The following CLVS1 variants were observed in gnomAD, a reference collection of about 807,000 sequenced individuals.
CLVS1 encodes the protein clavesin-1.
CLVS1 carries 10 observed loss-of-function variants against 33.1 expected under a neutral mutation model. That is an observed-to-expected ratio of 0.30 (90% CI 0.19 to 0.51). The LOEUF (loss-of-function observed/expected upper bound fraction) is 0.51, where lower values mean the gene tolerates loss of function less well. CLVS1 is among the 20% of genes least tolerant of loss of function. The pLI is 0.97. For synonymous variants in CLVS1, 163 were observed against 166.1 expected (o/e 0.98, Z 0.14); for missense variants, 343 against 433.4 (o/e 0.79, Z 1.85).
intron 2 of CLVS1, among the ~76,000 whole-genome samples, chr8:61,162,137 T>C: frequency 6.6e-6 from 1 of 152,138 alleles, no homozygotes. Flanking sequence ...GCATGGTCTT[T>C]AAGCTCATTC....
chr8:61,221,549 G>A (rs554713296), intron 2 of CLVS1, among the ~76,000 whole-genome samples: 1 of 152,298 alleles, frequency 6.6e-6, no homozygotes, highest in East Asian at 1.9e-4. Context: ...CAATCACAGT[G>A]GGTAAGATTT....
At chr8:61,180,957 C>G (rs1287963719) in intron 2 of CLVS1, among the ~76,000 whole-genome samples, 5 of 152,168 alleles carry the variant, frequency 3.3e-5, no homozygotes, top group Admixed American at 3.3e-4. Context: ...CTCACCACTC[C>G]TATTCAACAT....
chr8:61,348,883 T>A (rs918829950), intron 2 of CLVS1, among the ~76,000 whole-genome samples: 1 of 152,174 alleles, frequency 6.6e-6, no homozygotes, highest in Admixed American at 6.5e-5. Context: ...TGCTAACACT[T>A]GTCATTTTTC....
intron 3 of CLVS1, among the ~76,000 whole-genome samples, chr8:61,434,099 A>G (rs1484323703): frequency 6.6e-6 from 1 of 152,192 alleles, no homozygotes; most frequent in Admixed American, 6.5e-5. Context: ...TCAGATTATC[A>G]GGGCTTTTAA....
chr8:61,215,360 A>G (rs1808061172), intron 2 of CLVS1, among the ~76,000 whole-genome samples: 6 of 152,188 alleles, frequency 3.9e-5, no homozygotes, highest in Admixed American at 3.9e-4. Flanking sequence ...CACATGGCAC[A>G]TGGTCAGTGG....
the CLVS1 span, among the ~76,000 whole-genome samples, chr8:60,964,982 C>T: frequency 2.0e-5 from 3 of 152,002 alleles, no homozygotes; most frequent in Admixed American, 2.0e-4. Context: ...GGAAGTTTTC[C>T]CAGGAAAGAG....
In CLVS1 at chr8:61,362,879, A is replaced by G. The variant is rs568352155; in HGVS notation, c.456-13726A>G. ...TTATATGTTGCCTCAGGGTTCAAAGAATTATGTAGGTGGGTAAGTAAGACT... is the reference window on the plus strand; with the variant it reads ...TTATATGTTGCCTCAGGGTTCAAAGGATTATGTAGGTGGGTAAGTAAGACT... On this transcript the variant is annotated intron_variant, in intron 2 of 5. Transcript: ENST00000325897. Among the ~76,000 whole-genome samples the G allele has an allele frequency of 7.9e-5, 12 of 152,268 alleles. No individual in the cohort carries two copies. The South Asian group carries it at 2.3e-3, about 29-fold the overall frequency.
the CLVS1 span, among the ~76,000 whole-genome samples, chr8:61,041,403 T>C: frequency 4.6e-5 from 7 of 152,216 alleles, no homozygotes; most frequent in Non-Finnish European, 1.0e-4. Flanking sequence ...ATGTTGAATC[T>C]ATACATTGTT....
chr8:61,362,494 A>G (rs1214647892), intron 2 of CLVS1, among the ~76,000 whole-genome samples: 2 of 152,196 alleles, frequency 1.3e-5, no homozygotes, highest in Non-Finnish European at 2.9e-5. Context: ...GTTTCATTAT[A>G]TGACAGAAAG....
chr8:61,490,977 AAAAAAAGAAAG>A (rs1361099330), intron 5 of CLVS1, among the ~76,000 whole-genome samples: 87 of 151,930 alleles, frequency 5.7e-4, no homozygotes, highest in African/African-American at 1.9e-3. Context: ...AAAAAAGAAA[AAAAAAAGAAAG>A]AAAGAAATTA....
At chr8:61,455,880 G>C (rs972785873) in intron 4 of CLVS1, among the ~76,000 whole-genome samples, 1 of 152,176 alleles carries the variant, frequency 6.6e-6, no homozygotes, top group Non-Finnish European at 1.5e-5. Flanking sequence ...AGGTCCTTTA[G>C]AGAGCATTGC....
At chr8:61,177,803 A>C (rs909641536) in intron 2 of CLVS1, among the ~76,000 whole-genome samples, 1 of 58,718 alleles carries the variant, frequency 1.7e-5, no homozygotes, top group Non-Finnish European at 3.1e-5. Context: ...CAACAGCATC[A>C]AAAAAAAAAA....
intron 2 of CLVS1, among the ~76,000 whole-genome samples, chr8:61,351,088 G>A (rs984930688): frequency 5.3e-5 from 8 of 152,052 alleles, no homozygotes; most frequent in Non-Finnish European, 8.8e-5. Flanking sequence ...CTCAGGTATG[G>A]ATTTTTTTCT....
At chr8:60,982,583 C>T in the CLVS1 span, among the ~76,000 whole-genome samples, 12 of 152,156 alleles carry the variant, frequency 7.9e-5, no homozygotes, top group African/African-American at 2.7e-4. Flanking sequence ...AGTGGAAGTT[C>T]TAGGACACTT....
At chr8:61,109,089 G>A (rs952063004) in intron 1 of CLVS1, among the ~76,000 whole-genome samples, 5 of 152,122 alleles carry the variant, frequency 3.3e-5, no homozygotes, top group Admixed American at 6.5e-5. Context: ...TGGTGTGATC[G>A]GGGAGAGGGA....
At chr8:61,240,950 A>G (rs1403983839) in intron 2 of CLVS1, among the ~76,000 whole-genome samples, 1 of 145,356 alleles carries the variant, frequency 6.9e-6, no homozygotes, top group Non-Finnish European at 1.5e-5. Flanking sequence ...AGCTGCTATA[A>G]CAAACTACCA....
At chr8:61,445,799 C>G (rs1323638503) in intron 3 of CLVS1, among the ~76,000 whole-genome samples, 3 of 152,134 alleles carry the variant, frequency 2.0e-5, no homozygotes, top group Admixed American at 1.3e-4. Context: ...TGAGCCAGAA[C>G]TTTTATTCTT....
At chr8:61,301,949 C>T (rs965402786) in intron 2 of CLVS1, among the ~76,000 whole-genome samples, 1 of 152,154 alleles carries the variant, frequency 6.6e-6, no homozygotes, top group Admixed American at 6.5e-5. Flanking sequence ...ATGAATTGAG[C>T]TTTCACAGAG....
At chr8:61,034,891 G>A in the CLVS1 span, among the ~76,000 whole-genome samples, 5 of 152,106 alleles carry the variant, frequency 3.3e-5, no homozygotes, top group African/African-American at 9.7e-5. Context: ...CAACTTTCCC[G>A]TGTTTCCAGA....
Sources: allele counts gnomAD v4.1 joint callset (sites outside exome capture counted in the v4.1 genomes callset), GRCh38; gene constraint gnomAD v4.1.1; transcripts MANE v1.5; gene names NCBI Gene and HGNC (gene_info 2026-07-23, HGNC 2026-07-21).